Variants in ABAT observed in about 807,000 individuals in gnomAD.
ABAT encodes the protein 4-aminobutyrate aminotransferase, mitochondrial.
A neutral mutation model predicts 64.6 loss-of-function variants in ABAT; 45 were observed. The observed-to-expected ratio is 0.70, with a 90% confidence interval of 0.55 to 0.89. The LOEUF (loss-of-function observed/expected upper bound fraction) is 0.89, where lower values mean the gene tolerates loss of function less well. ABAT is among the 40% of genes least tolerant of loss of function. The pLI, the probability that ABAT is intolerant of heterozygous loss-of-function variation, is 0.00. For missense variants in ABAT, 633 were observed against 658.4 expected, an observed-to-expected ratio of 0.96 and a Z score of 0.42; for synonymous variants, 297 against 250.5, an observed-to-expected ratio of 1.19 and a Z score of -1.75.
chr16:8,729,303 C>CAACAAA (rs113915802), intron 1 of ABAT, among the ~76,000 whole-genome samples: 98,274 of 148,258 alleles, frequency 0.66, 32,429 homozygotes, highest in Admixed American at 0.72. Context: ...GACCCTGTCT[C>CAACAAA]AACAAAAACA....
In ABAT at chr16:8,755,703, G is replaced by T. The variant is rs536315805; in HGVS notation, c.317-2054G>T. Among the ~76,000 whole-genome samples the T allele has an allele frequency of 1.4e-3, 218 of 152,202 alleles. 1 individual carries two copies. Among genetic ancestry groups the T allele is most frequent in the African/African-American group, 5.0e-3 (207 of 41,526 alleles). On this transcript the variant is annotated intron_variant, in intron 5 of 15. Coordinates refer to ENST00000268251, the MANE Select transcript of ABAT (RefSeq NM_020686.6). ...AGGTGGGTGGATCACTTGAGGGCAG[G>T]AGTTCAAGACGAGCCTCGCCAACAT...
chr16:8,769,154 T>G (rs2060029736), intron 11 of ABAT, among the ~76,000 whole-genome samples, 181 bp downstream of exon 11: 1 of 152,174 alleles, frequency 6.6e-6, no homozygotes, highest in African/African-American at 2.4e-5. Flanking sequence ...GGAGAGTTCG[T>G]GAGACACACT....
chr16:8,754,718 C>A (rs1411729965), intron 5 of ABAT, among the ~76,000 whole-genome samples: 1 of 136,504 alleles, frequency 7.3e-6, no homozygotes, highest in Admixed American at 7.6e-5. Context: ...TTCTTTCTTT[C>A]TTTCTTTTTT....
Position 8,773,151 on chromosome 16 carries a change from T to C in ABAT, c.954+234T>C, listed in dbSNP as rs866737977. Among the ~76,000 whole-genome samples the C allele has an allele frequency of 7.9e-3, 582 of 73,406 alleles. 2 individuals are homozygous for C. Among genetic ancestry groups the C allele is most frequent in the East Asian group, 0.013 (32 of 2,392 alleles). 48.2% of individuals were successfully genotyped at this position (73,406 alleles called of 152,430 possible). On this transcript the variant is annotated intron_variant, in intron 12 of 15. Coordinates refer to ENST00000268251, the MANE Select transcript of ABAT (RefSeq NM_020686.6). ...ACACACACACACACACACACACATATATATATATTTTTTTTTTTGAGACAG... is the reference window on the plus strand; with the variant it reads ...ACACACACACACACACACACACATACATATATATTTTTTTTTTTGAGACAG...
At chr16:8,773,105 T>TACACACACACACACACACACACAC (rs35248639) in intron 12 of ABAT, among the ~76,000 whole-genome samples, 188 bp downstream of exon 12, 3 of 108,966 alleles carry the variant, frequency 2.8e-5, no homozygotes, top group East Asian at 3.1e-4. Flanking sequence ...CCTAAAACTA[T>TACACACACACACACACACACACAC]ACACACACAC....
chr16:8,676,560 T>C (rs533607009), intron 1 of ABAT, among the ~76,000 whole-genome samples: 7 of 152,190 alleles, frequency 4.6e-5, no homozygotes, highest in Non-Finnish European at 1.0e-4. Flanking sequence ...TTCCTGGGTG[T>C]CAGCGCATCC....
At chr16:8,728,109 G>T (rs2058611866) in intron 1 of ABAT, among the ~76,000 whole-genome samples, 1 of 152,146 alleles carries the variant, frequency 6.6e-6, no homozygotes, top group South Asian at 2.1e-4. Flanking sequence ...TCTAAACGAT[G>T]CAGTGCCTTG....
Position 8,773,143 on chromosome 16 carries a change from C to T in ABAT, c.954+226C>T, listed in dbSNP as rs866294710. Among the ~76,000 whole-genome samples the T allele has an allele frequency of 2.5e-3, 306 of 123,720 alleles. 5 individuals carry two copies. Among genetic ancestry groups the T allele is most frequent in the African/African-American group, 0.011 (279 of 25,254 alleles). 81.2% of individuals were successfully genotyped at this position (123,720 alleles called of 152,430 possible). ...ACACACACACACACACACACACACA[C>T]ACACATATATATATATTTTTTTTTT... On this transcript the variant is annotated intron_variant, in intron 12 of 15. Coordinates refer to ENST00000268251, the MANE Select transcript of ABAT (RefSeq NM_020686.6).
At chr16:8,759,064 T>G (rs2059724923) in intron 6 of ABAT, among the ~76,000 whole-genome samples, 2 of 152,074 alleles carry the variant, frequency 1.3e-5, no homozygotes, top group Admixed American at 1.3e-4. Flanking sequence ...ATGGTGCCAC[T>G]GCACTCCAGC....
intron 1 of ABAT, among the ~76,000 whole-genome samples, chr16:8,709,282 T>C (rs34595424): frequency 0.062 from 9,414 of 152,138 alleles, 354 homozygotes; most frequent in South Asian, 0.1. Context: ...AAAAGATTAA[T>C]TTCATCTGTT....
chr16:8,700,363 A>G (rs998456953), intron 1 of ABAT, among the ~76,000 whole-genome samples: 2 of 152,222 alleles, frequency 1.3e-5, no homozygotes, highest in South Asian at 2.1e-4. Flanking sequence ...CTAAACTTAC[A>G]TACGCGGCTC....
chr16:8,703,057 A>G (rs2057861154), intron 1 of ABAT, among the ~76,000 whole-genome samples: 1 of 151,936 alleles, frequency 6.6e-6, no homozygotes, highest in African/African-American at 2.4e-5. Flanking sequence ...ACACCTCTCT[A>G]CTGTCAATGT....
chr16:8,766,481 C>T (rs918924323), intron 9 of ABAT, among the ~76,000 whole-genome samples: 7 of 151,742 alleles, frequency 4.6e-5, no homozygotes, highest in Admixed American at 4.6e-4. Flanking sequence ...ATGGTGAAAC[C>T]CCATCTCTAC....
intron 1 of ABAT, among the ~76,000 whole-genome samples, chr16:8,696,799 C>G (rs576956630): frequency 2.0e-5 from 3 of 152,250 alleles, no homozygotes; most frequent in African/African-American, 7.2e-5. Flanking sequence ...TGGTCTTGGA[C>G]AGGCCTCTTC....
intron 1 of ABAT, among the ~76,000 whole-genome samples, chr16:8,726,479 A>T (rs1055678859): frequency 1.3e-5 from 2 of 151,998 alleles, no homozygotes; most frequent in African/African-American, 4.8e-5. Context: ...GGCTGGCCTC[A>T]TGGGATCCAC....
At chr16:8,762,241 A>T (rs1055369750) in intron 6 of ABAT, among the ~76,000 whole-genome samples, 1 of 152,264 alleles carries the variant, frequency 6.6e-6, no homozygotes, top group East Asian at 1.9e-4. Flanking sequence ...TGGACATTGC[A>T]TGTGCACAGT....
At chr16:8,746,903 C>G (rs1309267425) in intron 3 of ABAT, among the ~76,000 whole-genome samples, 1 of 152,124 alleles carries the variant, frequency 6.6e-6, no homozygotes, top group Non-Finnish European at 1.5e-5. Context: ...CTCTGTTGGG[C>G]TCACCTCCAT....
rs771037264 is a variant in ABAT, at chr16:8,782,066, C to T, written c.*636C>T. The T allele has an allele frequency of 9.9e-5, 16 of 161,022 alleles. No homozygotes were observed. In the South Asian group the frequency reaches 1.6e-3, roughly 16 times the overall value. The allele number at this position is 161,022 out of a possible 1,614,324, so 10.0% of individuals were successfully genotyped here. On this transcript the variant is annotated 3_prime_UTR_variant, in exon 16 of 16. Coordinates refer to ENST00000268251, the MANE Select transcript of ABAT (RefSeq NM_020686.6). ...CACCCCTCTCAGTGCACCTGGGGAT[C>T]CCCCTAAACTGTGAATTCTGCCCTG...
At chr16:8,736,139 A>C (rs1641000) in intron 2 of ABAT, 354,153 of 355,168 alleles carry the variant, frequency 1, 176,582 homozygotes, top group East Asian at 1. Flanking sequence ...GTTTGTAAAA[A>C]CATCAGATCG....
Sources: gnomAD v4.1 joint callset for allele counts (sites outside exome capture counted in the v4.1 genomes callset) on GRCh38, gnomAD v4.1.1 for gene constraint, MANE v1.5 for transcripts, NCBI Gene and HGNC (gene_info 2026-07-23, HGNC 2026-07-21) for gene names.